Variants in ELOA observed in about 807,000 individuals in gnomAD.
ELOA encodes the protein elongin A, also known as elongin-A.
ELOA carries 15 observed loss-of-function variants against 85.2 expected under a neutral mutation model. That is an observed-to-expected ratio of 0.18 (90% CI 0.12 to 0.27). The LOEUF (loss-of-function observed/expected upper bound fraction) is 0.27, where lower values mean the gene tolerates loss of function less well. Ranked by LOEUF, ELOA falls within the 10% of genes least tolerant of loss-of-function variation. The pLI is 1.00. For synonymous variants in ELOA, 348 were observed against 357.2 expected, an observed-to-expected ratio of 0.97 and a Z score of 0.29; for missense variants, 769 against 952.7, an observed-to-expected ratio of 0.81 and a Z score of 2.54.
Position 23,748,425 on chromosome 1 carries a change from C to T in ELOA, c.76-596C>T, listed in dbSNP as rs80313183. Among the ~76,000 whole-genome samples the T allele has an allele frequency of 7.2e-3, 1,102 of 152,284 alleles. 20 individuals are homozygous for T. The highest frequency in any genetic ancestry group is 0.025 in the African/African-American group (1,032 of 41,536). ...AGGAACTATAGGAAGGAAATGTGAT[C>T]AAACCCAGATCACTTTTCTAATCTA... On this transcript the variant is annotated intron_variant, in intron 1 of 10. Coordinates refer to ENST00000613537, the MANE Select transcript of ELOA (RefSeq NM_003198.3).
At chr1:23,758,247 A>ATTT (rs1338294015) in intron 10 of ELOA, among the ~76,000 whole-genome samples, 26 of 56,776 alleles carry the variant, frequency 4.6e-4, no homozygotes, top group East Asian at 1.4e-3. Flanking sequence ...GGGTCTTCCA[A>ATTT]TTTATTTATT....
chr1:23,748,665 A>AT (rs1167958549), intron 1 of ELOA, among the ~76,000 whole-genome samples: 3 of 152,146 alleles, frequency 2.0e-5, no homozygotes, highest in Admixed American at 2.0e-4. Context: ...TACCTTTCTC[A>AT]TAAATTCTAT....
intron 7 of ELOA, 78 bp from the exon 8 acceptor site, chr1:23,755,765 G>C (rs1570593477): frequency 6.9e-7 from 1 of 1,439,788 alleles, no homozygotes; most frequent in African/African-American, 1.5e-5. Flanking sequence ...ACACGACAGA[G>C]CAAGACTCTG....
At position 23,759,615 on chromosome 1, in the gene ELOA, A is replaced by C. The variant is rs1638264425; in HGVS notation, c.*42A>C. Reference sequence around the variant, plus strand: ...GGAAATGGAATCTGGGGAGGCAGGAATACAAGGACAGTGGGGGTTGGGGAA... The same window carrying C: ...GGAAATGGAATCTGGGGAGGCAGGACTACAAGGACAGTGGGGGTTGGGGAA... On this transcript the variant is annotated 3_prime_UTR_variant, in exon 11 of 11. Transcript: ENST00000613537. 6.2e-7 allele frequency: 1 copy of C among 1,603,614 alleles called. No homozygotes were observed. The highest frequency in any genetic ancestry group is 8.5e-7 in the Non-Finnish European group (1 of 1,170,512).
Position 23,758,247 on chromosome 1 carries a change from ATTTATTTATTTAT to A in ELOA, c.2257+1126_2257+1138del, listed in dbSNP as rs1193720389. 1.6e-3 allele frequency among the ~76,000 whole-genome samples: 92 copies of A among 56,762 alleles called. 5 individuals are homozygous for A. Among genetic ancestry groups the A allele is most frequent in the African/African-American group, 5.2e-3 (88 of 16,868 alleles). 37.2% of individuals were successfully genotyped at this position (56,762 alleles called of 152,430 possible). The stretch of plus-strand genomic sequence containing the variant: ...TCTTTATATCTAATTGGGTCTTCCA[ATTTATTTATTTAT>A]TTTTTTTTTTTTTTTTTTTTTTTTT... On this transcript the variant is annotated intron_variant, in intron 10 of 10. Coordinates refer to ENST00000613537, the MANE Select transcript of ELOA (RefSeq NM_003198.3).
Position 23,759,800 on chromosome 1 carries a change from TGAG to T in ELOA, c.*230_*232del. The T allele has an allele frequency of 1.8e-6, 1 of 551,292 alleles. No individual in the cohort carries two copies. The highest frequency in any genetic ancestry group is 2.3e-5 in the South Asian group (1 of 42,816). The allele number at this position is 551,292 out of a possible 1,614,324, so 34.2% of individuals were successfully genotyped here. ...TGAAGATGTGAAGCCTCTGTCTCAC[TGAG>T]GATTTTAAAGGTCAATTATACTTTT... is the stretch of plus-strand genomic sequence containing the variant. On this transcript the variant is annotated 3_prime_UTR_variant, in exon 11 of 11. Coordinates refer to ENST00000613537, the MANE Select transcript of ELOA (RefSeq NM_003198.3).
intron 10 of ELOA, among the ~76,000 whole-genome samples, chr1:23,758,623 T>C (rs1202699172): frequency 1.3e-5 from 2 of 148,924 alleles, no homozygotes; most frequent in Non-Finnish European, 3.0e-5. Flanking sequence ...ATTTTGTATT[T>C]TGTTAACTTT....
chr1:23,757,520 A>C lies in ELOA; in HGVS notation c.2257+395A>C, dbSNP rs187456140. On this transcript the variant is annotated intron_variant, in intron 10 of 10. Coordinates refer to ENST00000613537, the MANE Select transcript of ELOA (RefSeq NM_003198.3). ...GACTGAGGTGGGAGGATTTTTTGAG[A>C]TGGAGTCTCGCTCTGTCACCCAGGC... 2.4e-4 allele frequency among the ~76,000 whole-genome samples: 37 copies of C among 152,294 alleles called. No individual in the cohort carries two copies. In the East Asian group the frequency reaches 7.0e-3, roughly 29 times the overall value.
chr1:23,750,079 T>C, intron 3 of ELOA, 131 bp downstream of exon 3: 1 of 614,282 alleles, frequency 1.6e-6, no homozygotes. Context: ...TCCATGATCA[T>C]TGTAGAATAT....
At chr1:23,754,332 C>T (rs771129710) in intron 6 of ELOA, 31 bp from the exon 7 acceptor site, 2 of 1,614,130 alleles carry the variant, frequency 1.2e-6, no homozygotes, top group Non-Finnish European at 1.7e-6. Context: ...TTGGCTGCTA[C>T]TCAGTGTCTT....
At chr1:23,755,724 G>T in intron 7 of ELOA, 119 bp from the exon 8 acceptor site, 1 of 1,001,502 alleles carries the variant, frequency 1.0e-6, no homozygotes, top group Non-Finnish European at 1.4e-6. Flanking sequence ...GGGTTGCAGT[G>T]AACCAAAATT....
chr1:23,753,867 T>C (rs1292331843), intron 5 of ELOA, among the ~76,000 whole-genome samples: 1 of 152,174 alleles, frequency 6.6e-6, no homozygotes, highest in Non-Finnish European at 1.5e-5. Flanking sequence ...TAGCTGGGAC[T>C]ACAGGTGCAT....
At position 23,743,554 on chromosome 1, in the gene ELOA, G is replaced by A. The variant is rs750771570; in HGVS notation, c.51G>A (p.Leu17=). Reference sequence around the variant, plus strand: ...TTGTGGAGAAGCTGCAGGCGCGCCTGGCCGCGAACCCGGACCCTAAGAAGG... The same window carrying A: ...TTGTGGAGAAGCTGCAGGCGCGCCTAGCCGCGAACCCGGACCCTAAGAAGG... The part of the protein sequence containing the change: ...LQVVEKLQAR[L]AANPDPKKLL... Residue 17 remains leucine, a synonymous_variant, in exon 1 of 11, where the codon CTG becomes CTA. Transcript: ENST00000613537. 6 of 1,496,596 alleles carry A rather than the reference G, an allele frequency of 4.0e-6. No homozygotes were observed. In the South Asian group the frequency reaches 7.5e-5, roughly 19 times the overall value. The allele number at this position is 1,496,596 out of a possible 1,614,324, so 92.7% of individuals were successfully genotyped here. A position where few individuals can be genotyped will look rare whatever the true frequency, so the allele number is the denominator to read the frequency against.
At chr1:23,758,271 T>TA (rs1557456759) in intron 10 of ELOA, among the ~76,000 whole-genome samples, 31 of 97,490 alleles carry the variant, frequency 3.2e-4, no homozygotes, top group Admixed American at 1.8e-3. Context: ...TTTTTTTTTT[T>TA]TTTTTTTTTT....
rs192950496 is a variant in ELOA at position 23,743,558 on chromosome 1, G to A, written c.55G>A (p.Ala19Thr). The A allele has an allele frequency of 2.0e-6, 3 of 1,495,346 alleles. No individual in the cohort carries two copies. The Admixed American group carries it at 6.5e-5, about 32-fold the overall frequency. 92.6% of individuals were successfully genotyped at this position (1,495,346 alleles called of 1,614,324 possible). The change falls in exon 1 of 11, where the codon GCG (alanine) becomes ACG (threonine). Residue 19 changes from alanine (A) to threonine (T), a missense_variant. Around this residue, in one of 4 missense-constraint regions of ELOA, gnomAD observed 440 missense variants for 474.0 expected, o/e 0.93. Transcript: ENST00000613537. ...GGAGAAGCTGCAGGCGCGCCTGGCC[G>A]CGAACCCGGACCCTAAGAAGGTAAG... ...VVEKLQARLA[A>T]NPDPKKLLKY...
In ELOA at chr1:23,751,490, T is replaced by G; in HGVS notation, c.885T>G (p.Ser295=). ...SGDNAREKPP[S]SGVKKEKDRE... Reference sequence around the variant, plus strand: ...ACAATGCAAGGGAGAAACCGCCCTCTAGTGGCGTAAAGAAAGAGAAGGACA... The same window carrying G: ...ACAATGCAAGGGAGAAACCGCCCTCGAGTGGCGTAAAGAAAGAGAAGGACA... Residue 295 remains serine, a synonymous_variant, in exon 4 of 11, where the codon TCT becomes TCG. Coordinates refer to ENST00000613537, the MANE Select transcript of ELOA (RefSeq NM_003198.3). 3 of 1,613,992 alleles carry G rather than the reference T, an allele frequency of 1.9e-6. No individual in the cohort carries two copies. Among genetic ancestry groups the G allele is most frequent in the Non-Finnish European group, 2.5e-6 (3 of 1,180,018 alleles).
intron 10 of ELOA, 91 bp downstream of exon 10, chr1:23,757,216 T>C (rs1002443344): frequency 1.5e-6 from 2 of 1,353,752 alleles, no homozygotes; most frequent in African/African-American, 1.5e-5. Flanking sequence ...TTTTGTGGAC[T>C]GCATGTTGCA....
chr1:23,758,343 G>A (rs1398550074), intron 10 of ELOA, among the ~76,000 whole-genome samples: 5 of 122,992 alleles, frequency 4.1e-5, no homozygotes, highest in Admixed American at 1.0e-4. Context: ...GCGTGATCTC[G>A]GCTCACTGCA....
rs1191762955 is a variant in ELOA at position 23,750,825 on chromosome 1, T to C, written c.240-20T>C. 2 of 1,540,418 alleles carry C rather than the reference T, an allele frequency of 1.3e-6. No homozygotes were observed. Among genetic ancestry groups the C allele is most frequent in the Non-Finnish European group, 1.7e-6 (2 of 1,148,562 alleles). On this transcript the variant is annotated intron_variant, in intron 3 of 10. Coordinates refer to ENST00000613537, the MANE Select transcript of ELOA (RefSeq NM_003198.3). The stretch of plus-strand genomic sequence containing the variant: ...AAGCAAGATTTAGACCTACTTTGTC[T>C]GCTTTTTCTTTTATTTTAGAAATGC...
Sources: gnomAD v4.1 joint callset for allele counts (sites outside exome capture counted in the v4.1 genomes callset) on GRCh38, gnomAD v4.1.1 for gene constraint, gnomAD v4.1.1 regional missense constraint, MANE v1.5 for transcripts, NCBI Gene and HGNC (gene_info 2026-07-23, HGNC 2026-07-21) for gene names.